The following PROC variants were observed in gnomAD, a reference collection of about 807,000 sequenced individuals.
PROC encodes the protein protein C, inactivator of coagulation factors Va and VIIIa, also known as vitamin K-dependent protein C.
PROC carries 22 observed loss-of-function variants against 36.3 expected under a neutral mutation model. The observed-to-expected ratio is 0.61, with a 90% CI of 0.43 to 0.86. The LOEUF (loss-of-function observed/expected upper bound fraction) is 0.86. PROC is among the 40% of genes least tolerant of loss of function. PROC has a pLI of 0.00. For missense variants in PROC, 526 were observed against 629.7 expected (o/e 0.84, Z 1.76); for synonymous variants, 218 against 244.5 (o/e 0.89, Z 1.01).
At chr2:127,424,629 G>A (rs373982879) in intron 6 of PROC, among the ~76,000 whole-genome samples, 17 of 152,146 alleles carry the variant, frequency 1.1e-4, no homozygotes, top group African/African-American at 4.1e-4. Flanking sequence ...GCTTGAGCTT[G>A]GGAGTTTGAG....
chr2:127,419,656 C>T (rs1687970500), intron 1 of PROC: 3 of 636,816 alleles, frequency 4.7e-6, no homozygotes, highest in Non-Finnish European at 7.7e-6. Context: ...ACCCCACTGT[C>T]CCCAGGGAGG....
Position 127,428,599 on chromosome 2 carries a change from A to G in PROC, c.1039A>G (p.Ser347Gly). 1.9e-6 allele frequency: 3 copies of G among 1,614,018 alleles called. No homozygotes were observed. The highest frequency in any genetic ancestry group is 2.5e-6 in the Non-Finnish European group (3 of 1,180,034). The change falls in exon 9 of 9, where the codon AGC (serine) becomes GGC (glycine). Residue 347 changes from serine to glycine, a missense_variant. Coordinates refer to ENST00000234071, the MANE Select transcript of PROC (RefSeq NM_000312.4). ...CGTGACGGGCTGGGGCTACCACAGC[A>G]GCCGAGAGAAGGAGGCCAAGAGAAA... The part of the protein sequence containing the change: ...TLVTGWGYHS[S>G]REKEAKRNRT...
At chr2:127,419,827 C>T in intron 1 of PROC, 95 bp from the exon 2 acceptor site, 3 of 1,598,766 alleles carry the variant, frequency 1.9e-6, no homozygotes, top group Non-Finnish European at 2.6e-6. Flanking sequence ...ACGGCCAGCA[C>T]ACAGGGACAG....
In PROC at chr2:127,426,389, C is replaced by CTGAGGGGAGAGGAGCAGCCAGGGTGGG. The variant is rs1688501322; in HGVS notation, c.678+172_678+198dup. The CTGAGGGGAGAGGAGCAGCCAGGGTGGG allele has an allele frequency of 9.6e-7, 1 of 1,045,970 alleles. No homozygotes were observed. The highest frequency in any genetic ancestry group is 1.6e-5 in the African/African-American group (1 of 63,024). The allele number at this position is 1,045,970 out of a possible 1,614,324, so 64.8% of individuals were successfully genotyped here. ...TGCTTCAGGGAAAGATGGACGCAAC[C>CTGAGGGGAGAGGAGCAGCCAGGGTGGG]TGAGGGGAGAGGAGCAGCCAGGGTG... On this transcript the variant is annotated intron_variant, in intron 7 of 8. Coordinates refer to ENST00000234071, the MANE Select transcript of PROC (RefSeq NM_000312.4). This position sits in a 1 kb window ranked among gnomAD's most constrained non-coding sequence, Gnocchi z 7.0.
chr2:127,422,763 C>T (rs1314889371), intron 3 of PROC, among the ~76,000 whole-genome samples, 154 bp from the exon 4 acceptor site: 1 of 152,162 alleles, frequency 6.6e-6, no homozygotes, highest in Non-Finnish European at 1.5e-5. Context: ...CAGGGAGCAC[C>T]AGCTCCTAGC....
At position 127,426,546 on chromosome 2, in the gene PROC, G is replaced by C; in HGVS notation, c.678+319G>C. On this transcript the variant is annotated intron_variant, in intron 7 of 8. Transcript: ENST00000234071. This position sits in a 1 kb window ranked among gnomAD's most constrained non-coding sequence, Gnocchi z 7.0. ...AGCCCTGCTGATGGGAGAGGGCTAGGAGGGAGGGCCGGGCCTGAGTACCCC... is the reference window on the plus strand; with the variant it reads ...AGCCCTGCTGATGGGAGAGGGCTAGCAGGGAGGGCCGGGCCTGAGTACCCC... 2.3e-6 allele frequency: 1 copy of C among 428,888 alleles called. No individual in the cohort carries two copies. Among genetic ancestry groups the C allele is most frequent in the East Asian group, 4.9e-5 (1 of 20,422 alleles). The allele number at this position is 428,888 out of a possible 1,614,324, so 26.6% of individuals were successfully genotyped here.
At chr2:127,419,773 A>C in intron 1 of PROC, 149 bp from the exon 2 acceptor site, 2 of 1,507,914 alleles carry the variant, frequency 1.3e-6, no homozygotes, top group Non-Finnish European at 1.8e-6. Context: ...TTCTGAGGCT[A>C]TGTCTCTAGC....
intron 3 of PROC, among the ~76,000 whole-genome samples, chr2:127,422,330 T>C (rs1688148399): frequency 6.6e-6 from 1 of 152,236 alleles, no homozygotes; most frequent in Non-Finnish European, 1.5e-5. Flanking sequence ...ACCTCACCCA[T>C]GGTCTCTCAG....
Position 127,428,803 on chromosome 2 carries a change from T to G in PROC, c.1243T>G (p.Phe415Val). ...GGTCGCCTCCTTCCACGGCACCTGG[T>G]TCCTGGTGGGCCTGGTGAGCTGGGG... ...PMVASFHGTW[F>V]LVGLVSWGEG... Residue 415 changes from phenylalanine (F) to valine (V), a missense_variant, in exon 9 of 9, where the codon TTC (phenylalanine) becomes GTC (valine). Phe to Val is a conservative substitution (Grantham distance 50). Transcript: ENST00000234071. 1 of 1,612,230 alleles carries G rather than the reference T, an allele frequency of 6.2e-7. No individual in the cohort carries two copies. Among genetic ancestry groups the G allele is most frequent in the Non-Finnish European group, 8.5e-7 (1 of 1,179,060 alleles).
chr2:127,427,791 G>T (rs988240296), intron 8 of PROC, among the ~76,000 whole-genome samples: 1 of 152,258 alleles, frequency 6.6e-6, no homozygotes, highest in African/African-American at 2.4e-5. Flanking sequence ...ATTTCCTACA[G>T]CATAATCTAT....
Position 127,426,304 on chromosome 2 carries a change from G to A in PROC, c.678+77G>A, listed in dbSNP as rs1048825339. 3 of 1,598,728 alleles carry A rather than the reference G, an allele frequency of 1.9e-6. No individual in the cohort carries two copies. The highest frequency in any genetic ancestry group is 1.3e-5 in the African/African-American group (1 of 74,554). On this transcript the variant is annotated intron_variant, in intron 7 of 8. Transcript: ENST00000234071. The surrounding 1 kb of genome is among the most constrained non-coding windows in gnomAD (Gnocchi z 7.0). ...AGTCCATCCTGGCAGCTATGCTCAGGGTGCAGAAACCGAGAGGGAAGCGCT... is the reference window on the plus strand; with the variant it reads ...AGTCCATCCTGGCAGCTATGCTCAGAGTGCAGAAACCGAGAGGGAAGCGCT...
chr2:127,425,239 C>T (rs915662612), intron 6 of PROC, among the ~76,000 whole-genome samples: 16 of 152,224 alleles, frequency 1.1e-4, no homozygotes, highest in African/African-American at 3.6e-4. Context: ...TTTTGCTTTC[C>T]AGTCTGCCAA....
chr2:127,423,639 T>C, intron 6 of PROC: 1 of 573,466 alleles, frequency 1.7e-6, no homozygotes, highest in Non-Finnish European at 2.7e-6. Context: ...CTTCCTGGCG[T>C]CCCCGCCTTC....
At chr2:127,422,332 G>A (rs929238881) in intron 3 of PROC, among the ~76,000 whole-genome samples, 3 of 152,228 alleles carry the variant, frequency 2.0e-5, no homozygotes, top group Non-Finnish European at 4.4e-5. Context: ...CTCACCCATG[G>A]TCTCTCAGCC....
At position 127,425,720 on chromosome 2, in the gene PROC, TTGAC is replaced by T. The variant is rs113600011; in HGVS notation, c.536-346_536-343del. Among the ~76,000 whole-genome samples the T allele has an allele frequency of 7.8e-3, 1,193 of 152,050 alleles. 12 individuals are homozygous for T. Among genetic ancestry groups the T allele is most frequent in the African/African-American group, 0.023 (959 of 41,424 alleles). ...TCTTGCCATTGGGTGGTACTGTTTGTTGACTGACTGACTGACTGACTGGAGGGGG... is the reference window on the plus strand; with the variant it reads ...TCTTGCCATTGGGTGGTACTGTTTGTTGACTGACTGACTGACTGGAGGGGG... On this transcript the variant is annotated intron_variant, in intron 6 of 8. Transcript: ENST00000234071.
chr2:127,424,668 G>T (rs112494624), intron 6 of PROC, among the ~76,000 whole-genome samples: 1,554 of 152,168 alleles, frequency 0.01, 23 homozygotes, highest in African/African-American at 0.034. Flanking sequence ...GTGAGACCCT[G>T]TCTCTATTTT....
chr2:127,426,992 GCCTATGCCCATATGACCAGGGAAC>G lies in PROC; in HGVS notation c.679-110_679-87del, dbSNP rs1454269768. The G allele has an allele frequency of 6.6e-6, 6 of 914,398 alleles. No individual in the cohort carries two copies. The highest frequency in any genetic ancestry group is 1.1e-5 in the Non-Finnish European group (6 of 546,974). 56.6% of individuals were successfully genotyped at this position (914,398 alleles called of 1,614,324 possible). ...ATAGAAAACGCCAGAAAGGGCCTAA[GCCTATGCCCATATGACCAGGGAAC>G]CCAGGAAAGTGCATATGAAACCCAG... On this transcript the variant is annotated intron_variant, in intron 7 of 8. Transcript: ENST00000234071. This position sits in a 1 kb window ranked among gnomAD's most constrained non-coding sequence, Gnocchi z 7.0.
rs531518504 is a variant in PROC at position 127,426,693 on chromosome 2, C to G, written c.679-412C>G. On this transcript the variant is annotated intron_variant, in intron 7 of 8. Transcript: ENST00000234071. The surrounding 1 kb of genome is among the most constrained non-coding windows in gnomAD (Gnocchi z 7.0). The stretch of plus-strand genomic sequence containing the variant: ...ACTCAGACTCTGCAAGGGTCAGGAC[C>G]CCAAAGACCCGGCAGCCCAGTGGGA... Among the ~76,000 whole-genome samples the G allele has an allele frequency of 7.2e-5, 11 of 152,180 alleles. No individual in the cohort carries two copies. Among genetic ancestry groups the G allele is most frequent in the African/African-American group, 2.6e-4 (11 of 41,522 alleles).
chr2:127,423,691 G>A (rs760859484), intron 6 of PROC: 32 of 464,812 alleles, frequency 6.9e-5, no homozygotes, highest in Non-Finnish European at 1.1e-4. Flanking sequence ...CTCCTGGAGC[G>A]CAAGCCCAGT....
Sources: allele counts gnomAD v4.1 joint callset (sites outside exome capture counted in the v4.1 genomes callset), GRCh38; gene constraint gnomAD v4.1.1; non-coding constraint Gnocchi (gnomAD v3.1); transcripts MANE v1.5; gene names NCBI Gene and HGNC (gene_info 2026-07-23, HGNC 2026-07-21).